PPP1R12B: variants seen among roughly 807,000 people sequenced by gnomAD.
PPP1R12B encodes the protein protein phosphatase 1 regulatory subunit 12B, also known as myosin phosphatase target subunit 2.
In PPP1R12B, 76 loss-of-function variants were observed where a neutral mutation model predicts 126.1. The ratio of observed to expected loss-of-function variants is 0.60; its 90% CI spans 0.50 to 0.73. PPP1R12B has a LOEUF of 0.73. Ranked by LOEUF, PPP1R12B falls within the 30% of genes least tolerant of loss-of-function variation. The pLI is 0.00. For synonymous variants in PPP1R12B, 356 were observed against 434.7 expected (o/e 0.82, Z 2.25); for missense variants, 1,052 against 1,205.1 (o/e 0.87, Z 1.88).
rs186056466 is a variant in PPP1R12B, at chr1:202,455,844, A to G, written c.1850+6673A>G. Among the ~76,000 whole-genome samples the G allele has an allele frequency of 1.4e-3, 210 of 152,340 alleles. 2 individuals carry two copies. The highest frequency in any genetic ancestry group is 4.5e-3 in the African/African-American group (187 of 41,582). On this transcript the variant is annotated intron_variant, in intron 13 of 23. Coordinates refer to ENST00000608999, the MANE Select transcript of PPP1R12B (RefSeq NM_002481.4). ...TTTTAAACTCTGGCTGCAGTTTTAC[A>G]TATGAATTGGATGAGGAAAAATACA...
intron 18 of PPP1R12B, chr1:202,540,178 G>C: frequency 6.2e-7 from 1 of 1,610,940 alleles, no homozygotes; most frequent in East Asian, 2.2e-5. Flanking sequence ...AATTCACTCG[G>C]AATAGGAAAT....
chr1:202,472,340 TA>T (rs1027442917), intron 13 of PPP1R12B, among the ~76,000 whole-genome samples: 1 of 152,004 alleles, frequency 6.6e-6, no homozygotes, highest in Non-Finnish European at 1.5e-5. Context: ...GCTGTCTTGT[TA>T]AAAAAAATGA....
chr1:202,423,610 G>C (rs987835841), intron 3 of PPP1R12B, among the ~76,000 whole-genome samples: 3 of 152,174 alleles, frequency 2.0e-5, no homozygotes, highest in Non-Finnish European at 4.4e-5. Flanking sequence ...CCTTAATATA[G>C]TGATGTTCTA....
chr1:202,410,006 T>C (rs1160932243), intron 1 of PPP1R12B: 2 of 152,330 alleles, frequency 1.3e-5, no homozygotes, highest in Admixed American at 6.5e-5. Flanking sequence ...TTTTTTGTTG[T>C]TGAGTTTTAG....
Position 202,562,235 on chromosome 1 carries a change from G to A in PPP1R12B, c.2508-543G>A, listed in dbSNP as rs182396038. Reference sequence around the variant, plus strand: ...ATATGGATAAGATGGTAGAAAACTAGCTATTTGGGCACTGTGTTGGTATCC... The same window carrying A: ...ATATGGATAAGATGGTAGAAAACTAACTATTTGGGCACTGTGTTGGTATCC... On this transcript the variant is annotated intron_variant, in intron 19 of 23. Coordinates refer to ENST00000608999, the MANE Select transcript of PPP1R12B (RefSeq NM_002481.4). 1.2e-3 allele frequency among the ~76,000 whole-genome samples: 187 copies of A among 152,350 alleles called. 2 individuals are homozygous for A. Among genetic ancestry groups the A allele is most frequent in the Admixed American group, 8.3e-3 (127 of 15,310 alleles).
Position 202,425,756 on chromosome 1 carries a change from T to C in PPP1R12B, c.701+31T>C, listed in dbSNP as rs762998316. 2.5e-6 allele frequency: 4 copies of C among 1,579,682 alleles called. No individual in the cohort carries two copies. In the South Asian group the frequency reaches 4.6e-5, roughly 18 times the overall value. ...GTCCATTTACATCAATCAGGAGTGG[T>C]TCACTGGGAGAAGATGGAATAGGTT... On this transcript the variant is annotated intron_variant, in intron 4 of 23. Transcript: ENST00000608999.
chr1:202,592,242 G>T lies in PPP1R12B; in HGVS notation c.*11682G>T, dbSNP rs944430513. ...CAGATACCAGGCTGGACACTGCACC[G>T]GGCCCTGAGGTTTGGCTCTGCAGGC... is the stretch of plus-strand genomic sequence containing the variant. On this transcript the variant is annotated 3_prime_UTR_variant, in exon 24 of 24. Transcript: ENST00000608999. 6.5e-6 allele frequency: 1 copy of T among 152,692 alleles called. No individual in the cohort carries two copies. The highest frequency in any genetic ancestry group is 1.5e-5 in the Non-Finnish European group (1 of 68,106). 9.5% of individuals were successfully genotyped at this position (152,692 alleles called of 1,614,324 possible).
At chr1:202,520,475 T>G (rs1682660464) in intron 18 of PPP1R12B, among the ~76,000 whole-genome samples, 1 of 152,244 alleles carries the variant, frequency 6.6e-6, no homozygotes, top group Non-Finnish European at 1.5e-5. Flanking sequence ...TGGTGGAGTT[T>G]GTACATAAGA....
chr1:202,399,907 C>T (rs1030922298), intron 1 of PPP1R12B, among the ~76,000 whole-genome samples: 17 of 151,990 alleles, frequency 1.1e-4, no homozygotes, highest in African/African-American at 4.1e-4. Flanking sequence ...ATGGGTATAT[C>T]GTGTGATGCT....
intron 1 of PPP1R12B, among the ~76,000 whole-genome samples, chr1:202,387,709 C>A (rs1024467381): frequency 1.3e-5 from 2 of 152,112 alleles, no homozygotes; most frequent in Non-Finnish European, 2.9e-5. Flanking sequence ...TTCTGCCTAT[C>A]CCTTCAGATT....
At chr1:202,525,013 G>A (rs1683169133) in intron 18 of PPP1R12B, among the ~76,000 whole-genome samples, 2 of 152,004 alleles carry the variant, frequency 1.3e-5, no homozygotes, top group Non-Finnish European at 2.9e-5. Flanking sequence ...CGAATAGCTG[G>A]GATTACAGGT....
At chr1:202,511,816 G>T (rs1572343429) in intron 18 of PPP1R12B, among the ~76,000 whole-genome samples, 1 of 124,878 alleles carries the variant, frequency 8.0e-6, no homozygotes, top group African/African-American at 3.1e-5. Flanking sequence ...CGCTCTTGTT[G>T]GCCAGGCTGG....
chr1:202,431,402 T>G (rs1168024046), intron 7 of PPP1R12B, 78 bp from the exon 8 acceptor site: 1 of 1,195,644 alleles, frequency 8.4e-7, no homozygotes, highest in African/African-American at 1.6e-5. Context: ...CTTCCACATA[T>G]AGGTTTATAG....
rs1188215797 is a variant in PPP1R12B, at chr1:202,508,045, C to T, written c.2490+11223C>T. 6.6e-6 allele frequency among the ~76,000 whole-genome samples: 1 copy of T among 152,168 alleles called. No individual in the cohort carries two copies. Among genetic ancestry groups the T allele is most frequent in the African/African-American group, 2.4e-5 (1 of 41,424 alleles). ...TAGAAGTGTTATTTTGGTAGAATCT[C>T]AAAGGTAGGATAGTAGGACTACCTA... is the stretch of plus-strand genomic sequence containing the variant. On this transcript the variant is annotated intron_variant, in intron 18 of 23. Transcript: ENST00000608999. The surrounding 1 kb of genome is among the most constrained non-coding windows in gnomAD (Gnocchi z 4.5).
chr1:202,580,615 C>A lies in PPP1R12B; in HGVS notation c.*55C>A, dbSNP rs1466707471. 1 of 1,429,802 alleles carries A rather than the reference C, an allele frequency of 7.0e-7. No individual in the cohort carries two copies. Among genetic ancestry groups the A allele is most frequent in the East Asian group, 2.3e-5 (1 of 43,778 alleles). The allele number at this position is 1,429,802 out of a possible 1,614,324, so 88.6% of individuals were successfully genotyped here. A position where few individuals can be genotyped will look rare whatever the true frequency, so the allele number is the denominator to read the frequency against. ...GGGACAGCATTTGCTGCCCCCACCC[C>A]TCTTTTCCAGTCCTTGCCTTCCAAC... On this transcript the variant is annotated 3_prime_UTR_variant, in exon 24 of 24. Coordinates refer to ENST00000608999, the MANE Select transcript of PPP1R12B (RefSeq NM_002481.4).
At chr1:202,474,408 C>T (rs1261534594) in intron 13 of PPP1R12B, among the ~76,000 whole-genome samples, 3 of 151,888 alleles carry the variant, frequency 2.0e-5, no homozygotes, top group African/African-American at 4.8e-5. Context: ...TCAGCCTCCC[C>T]GGTAGCTAGG....
In PPP1R12B at chr1:202,496,798, C is replaced by T. The variant is rs1393452554; in HGVS notation, c.2466C>T (p.Gly822=). ...TTTTTTAGGAGGATGAAACTGATGGCTCTGAAGAGGTCAAAGAAACGTGGG... is the reference window on the plus strand; with the variant it reads ...TTTTTTAGGAGGATGAAACTGATGGTTCTGAAGAGGTCAAAGAAACGTGGG... The part of the protein sequence containing the change: ...FWTKDEDETD[G]SEEVKETWHE... The change falls in exon 18 of 24, where the codon GGC becomes GGT. Residue 822 remains glycine, a synonymous_variant. Coordinates refer to ENST00000608999, the MANE Select transcript of PPP1R12B (RefSeq NM_002481.4). 2 of 1,612,448 alleles carry T rather than the reference C, an allele frequency of 1.2e-6. No homozygotes were observed. The highest frequency in any genetic ancestry group is 3.3e-5 in the Admixed American group (2 of 59,942).
intron 18 of PPP1R12B, among the ~76,000 whole-genome samples, chr1:202,520,405 T>C (rs3827480): frequency 0.43 from 65,970 of 151,958 alleles, 15,678 homozygotes; most frequent in East Asian, 0.71. Context: ...AGTGGCTCTT[T>C]CTGGTGCTGT....
intron 14 of PPP1R12B, among the ~76,000 whole-genome samples, chr1:202,491,920 C>T (rs1323942501): frequency 1.3e-5 from 2 of 152,148 alleles, no homozygotes; most frequent in Non-Finnish European, 1.5e-5. Flanking sequence ...ATGACCTAGC[C>T]TCTGCCTGCT....
Sources: allele counts gnomAD v4.1 joint callset (sites outside exome capture counted in the v4.1 genomes callset), GRCh38; gene constraint gnomAD v4.1.1; non-coding constraint Gnocchi (gnomAD v3.1); transcripts MANE v1.5; gene names NCBI Gene and HGNC (gene_info 2026-07-23, HGNC 2026-07-21).